Variants in SFT2D1 observed in about 807,000 individuals in gnomAD.
SFT2D1 encodes SFT2 domain containing 1, also known as vesicle transport protein SFT2A.
In SFT2D1, 24 loss-of-function variants were observed where a neutral mutation model predicts 28.1. The ratio of observed to expected loss-of-function variants is 0.85; its 90% CI spans 0.62 to 1.20. The LOEUF (loss-of-function observed/expected upper bound fraction) is 1.20. Ranked by LOEUF, SFT2D1 falls within the 50% of genes most tolerant of loss-of-function variation. SFT2D1 has a pLI of 0.00. For synonymous variants in SFT2D1, 82 were observed against 73.7 expected, an observed-to-expected ratio of 1.11 and a Z score of -0.58; for missense variants, 181 against 190.9, an observed-to-expected ratio of 0.95 and a Z score of 0.31.
Position 166,320,255 on chromosome 6 carries a change from C to T in SFT2D1, c.442G>A (p.Asp148Asn), listed in dbSNP as rs772939052. ...YSLSYIPYAR[D>N]AVIKCCSSLL... ...GAAGAACAGCATTTAATAACTGCAT[C>T]CCTGGTGGAAAAGAGAGGGAAAAAA... Residue 148 changes from aspartate (D) to asparagine (N), a missense_variant and splice_region_variant, in exon 8 of 8, where the codon GAT becomes AAT. Coordinates refer to ENST00000361731, the MANE Select transcript of SFT2D1 (RefSeq NM_145169.3). The T allele has an allele frequency of 1.2e-6, 2 of 1,609,822 alleles. No homozygotes were observed. Among genetic ancestry groups the T allele is most frequent in the Admixed American group, 1.7e-5 (1 of 59,206 alleles).
At chr6:166,330,341 C>T in intron 1 of SFT2D1, 94 bp from the exon 2 acceptor site, 1 of 778,852 alleles carries the variant, frequency 1.3e-6, no homozygotes, top group Non-Finnish European at 2.1e-6. Context: ...AACACATAGT[C>T]TGAATCATTT....
At chr6:166,331,696 G>A (rs920946140) in intron 1 of SFT2D1, among the ~76,000 whole-genome samples, 14 of 152,086 alleles carry the variant, frequency 9.2e-5, no homozygotes, top group African/African-American at 3.4e-4. Flanking sequence ...TAAATGATCT[G>A]TTAAAAAAAA....
chr6:166,332,055 G>T (rs541611176), intron 1 of SFT2D1, among the ~76,000 whole-genome samples: 1 of 152,134 alleles, frequency 6.6e-6, no homozygotes, highest in African/African-American at 2.4e-5. Flanking sequence ...TCTTTAAAAC[G>T]AAACAGCAGG....
chr6:166,325,903 G>C lies in SFT2D1; in HGVS notation c.351+229C>G, dbSNP rs184791043. ...ATTTAGCCACCAGCTGGGTGGGTGA[G>C]CATGTGTGCACATGTGTGTTCACTG... On this transcript the variant is annotated intron_variant, in intron 5 of 7. Transcript: ENST00000361731. 111 of 570,028 alleles carry C rather than the reference G, an allele frequency of 1.9e-4. 1 individual carries two copies. Among genetic ancestry groups the C allele is most frequent in the East Asian group, 1.8e-3 (60 of 33,796 alleles). The allele number at this position is 570,028 out of a possible 1,614,324, so 35.3% of individuals were successfully genotyped here.
In SFT2D1 at chr6:166,329,511, C is replaced by T. The variant is rs755737101; in HGVS notation, c.229G>A (p.Ala77Thr). The T allele has an allele frequency of 3.7e-6, 6 of 1,606,836 alleles. No homozygotes were observed. Among genetic ancestry groups the T allele is most frequent in the South Asian group, 1.1e-5 (1 of 89,936 alleles). The change falls in exon 3 of 8, where the codon GCC becomes ACC. Residue 77 changes from alanine to threonine, a missense_variant. Ala to Thr is a moderately conservative substitution (Grantham distance 58). Transcript: ENST00000361731. The stretch of plus-strand genomic sequence containing the variant: ...ATTTTGAGAAGCCAAACGTACCTGG[C>T]TAACGCAGCAAGATTGCCGAGGGTA... ...FYTLGNLAAL[A>T]STCFLMGPVK...
At chr6:166,337,610 G>T (rs1778681068) in intron 1 of SFT2D1, among the ~76,000 whole-genome samples, 1 of 152,010 alleles carries the variant, frequency 6.6e-6, no homozygotes, top group Non-Finnish European at 1.5e-5. Context: ...ACCTACCATG[G>T]GAACAGTGAG....
At chr6:166,322,697 A>G (rs1168422153) in intron 7 of SFT2D1, among the ~76,000 whole-genome samples, 160 bp downstream of exon 7, 50 of 149,794 alleles carry the variant, frequency 3.3e-4, no homozygotes, top group Admixed American at 3.1e-3. Flanking sequence ...CTCAAAAAAA[A>G]AAAAAAAAAA....
At chr6:166,329,431 C>T (rs916406002) in intron 3 of SFT2D1, 76 bp downstream of exon 3, 6 of 1,231,680 alleles carry the variant, frequency 4.9e-6, no homozygotes, top group Non-Finnish European at 7.0e-6. Flanking sequence ...CATAAACATC[C>T]TACTGGGAAA....
chr6:166,326,150 G>C lies in SFT2D1; in HGVS notation c.333C>G (p.Thr111=). 6.2e-7 allele frequency: 1 copy of C among 1,613,534 alleles called. No homozygotes were observed. Among genetic ancestry groups the C allele is most frequent in the African/African-American group, 1.3e-5 (1 of 74,968 alleles). ...TIVMLLCFIF[T]LCAALWWHKK... ...AACTTACCCAAAGAGCAGCACACAG[G>C]GTAAATATGAAACACAACTACAGGG... The change falls in exon 5 of 8, where the codon ACC becomes ACG. Residue 111 remains threonine (T), a synonymous_variant. Transcript: ENST00000361731.
chr6:166,333,553 C>T (rs2114906715), intron 1 of SFT2D1, among the ~76,000 whole-genome samples: 1 of 152,318 alleles, frequency 6.6e-6, no homozygotes, highest in Non-Finnish European at 1.5e-5. Flanking sequence ...TTTTCAGCGG[C>T]TTCAACAGGA....
intron 1 of SFT2D1, among the ~76,000 whole-genome samples, chr6:166,330,892 G>C (rs1193219171): frequency 1.3e-5 from 2 of 152,252 alleles, no homozygotes; most frequent in African/African-American, 2.4e-5. Context: ...AGCCCCAGCA[G>C]AGACGATCAC....
At chr6:166,339,100 C>T (rs960494284) in intron 1 of SFT2D1, among the ~76,000 whole-genome samples, 7 of 152,100 alleles carry the variant, frequency 4.6e-5, no homozygotes, top group Non-Finnish European at 1.0e-4. Context: ...CAGGTCTGTG[C>T]GCCTTTAATC....
chr6:166,340,896 C>T (rs1778766444), intron 1 of SFT2D1, among the ~76,000 whole-genome samples: 1 of 152,204 alleles, frequency 6.6e-6, no homozygotes, highest in Non-Finnish European at 1.5e-5. Context: ...TACAGCCAGT[C>T]ACTCTAATCT....
At chr6:166,323,762 A>G (rs1241091051) in intron 6 of SFT2D1, 1 of 152,140 alleles carries the variant, frequency 6.6e-6, no homozygotes, top group Non-Finnish European at 1.5e-5. Context: ...TGGATACTGG[A>G]TTTTTCTGGA....
chr6:166,333,426 T>A (rs975969015), intron 1 of SFT2D1, among the ~76,000 whole-genome samples: 6 of 152,144 alleles, frequency 3.9e-5, no homozygotes, highest in African/African-American at 1.4e-4. Context: ...AATTACACCA[T>A]CGCCAAAATT....
At chr6:166,334,345 G>A (rs1562446025) in intron 1 of SFT2D1, among the ~76,000 whole-genome samples, 1 of 152,312 alleles carries the variant, frequency 6.6e-6, no homozygotes. Context: ...CTGTAATCCT[G>A]GCACTTTGGG....
intron 6 of SFT2D1, chr6:166,323,191 T>C: frequency 3.6e-6 from 1 of 279,446 alleles, no homozygotes; most frequent in Non-Finnish European, 6.6e-6. Flanking sequence ...AAATAGAAAC[T>C]GTACCACAAC....
chr6:166,327,247 A>C (rs1208510875), intron 4 of SFT2D1, among the ~76,000 whole-genome samples: 1 of 152,200 alleles, frequency 6.6e-6, no homozygotes, highest in Non-Finnish European at 1.5e-5. Flanking sequence ...AGAAATCCAC[A>C]AGAGACACAG....
chr6:166,338,754 G>A (rs763483086), intron 1 of SFT2D1, among the ~76,000 whole-genome samples: 13 of 152,100 alleles, frequency 8.5e-5, no homozygotes, highest in Non-Finnish European at 1.3e-4. Flanking sequence ...AAGTGCTGCA[G>A]GAAGTCAATG....
Sources: gnomAD v4.1 joint callset for allele counts (sites outside exome capture counted in the v4.1 genomes callset) on GRCh38, gnomAD v4.1.1 for gene constraint, MANE v1.5 for transcripts, NCBI Gene and HGNC (gene_info 2026-07-23, HGNC 2026-07-21) for gene names.